MAN2A1: variants seen among roughly 807,000 people sequenced by gnomAD.
MAN2A1 encodes the protein alpha-mannosidase 2.
In MAN2A1, 76 loss-of-function variants were observed where a neutral mutation model predicts 142.6. That is an observed-to-expected ratio of 0.53 (90% CI 0.44 to 0.65). The LOEUF (loss-of-function observed/expected upper bound fraction) is 0.65. Among genes scored for constraint, MAN2A1 ranks in the 30% least tolerant of loss-of-function variants. MAN2A1 has a pLI of 0.00. For missense variants in MAN2A1, 1,311 were observed against 1,365.1 expected (o/e 0.96, Z 0.62); for synonymous variants, 559 against 473.2 (o/e 1.18, Z -2.35).
Position 109,706,529 on chromosome 5 carries a change from A to G in MAN2A1, c.136-6991A>G, listed in dbSNP as rs368113341. On this transcript the variant is annotated intron_variant, in intron 1 of 21. Coordinates refer to ENST00000261483, the MANE Select transcript of MAN2A1 (RefSeq NM_002372.4). ...TTACTTCCCCAAGATCACATGGCCA[A>G]TAAGTGCGGAAACTAGTATTGGAAG... 1.1e-4 allele frequency among the ~76,000 whole-genome samples: 17 copies of G among 152,384 alleles called. No individual in the cohort carries two copies. The East Asian group carries it at 3.3e-3, about 29-fold the overall frequency.
chr5:109,826,081 T>C (rs1754751757), intron 16 of MAN2A1, among the ~76,000 whole-genome samples: 1 of 151,740 alleles, frequency 6.6e-6, no homozygotes, highest in Non-Finnish European at 1.5e-5. Context: ...AATTTTTCTA[T>C]TTTTAGTAGG....
chr5:109,865,039 G>T lies in MAN2A1; in HGVS notation c.3175G>T (p.Gly1059Cys). Residue 1059 changes from glycine (G) to cysteine (C), a missense_variant, in exon 21 of 22, where the codon GGC (glycine) becomes TGC (cysteine). Physicochemically the swap from Gly to Cys is radical, Grantham distance 159. Around this residue, in one of 3 missense-constraint regions of MAN2A1, gnomAD observed 890 missense variants for 920.5 expected, o/e 0.97. Coordinates refer to ENST00000261483, the MANE Select transcript of MAN2A1 (RefSeq NM_002372.4). Reference protein sequence around the residue: ...VNLRTIQSKVGNGHSNEAALI... With the variant: ...VNLRTIQSKVCNGHSNEAALI... ...ACTGCATTCTGCTCATTTGCAGGTG[G>T]GCAATGGGCACTCCAATGAGGCAGC... 1 of 1,612,410 alleles carries T rather than the reference G, an allele frequency of 6.2e-7. No individual in the cohort carries two copies. Among genetic ancestry groups the T allele is most frequent in the Non-Finnish European group, 8.5e-7 (1 of 1,178,506 alleles).
intron 4 of MAN2A1, among the ~76,000 whole-genome samples, chr5:109,734,637 T>C (rs1005620808): frequency 6.6e-6 from 1 of 152,232 alleles, no homozygotes; most frequent in Non-Finnish European, 1.5e-5. Flanking sequence ...TACCCAGTAG[T>C]CATTCAGGAA....
At chr5:109,838,073 A>G (rs1755102693) in intron 16 of MAN2A1, among the ~76,000 whole-genome samples, 2 of 151,348 alleles carry the variant, frequency 1.3e-5, no homozygotes, top group Non-Finnish European at 2.9e-5. Flanking sequence ...AAAAAAAAAA[A>G]TCCTAGCTCC....
chr5:109,835,346 G>T (rs530572619), intron 16 of MAN2A1, among the ~76,000 whole-genome samples: 1 of 152,250 alleles, frequency 6.6e-6, no homozygotes, highest in South Asian at 2.1e-4. Flanking sequence ...GACACAGATT[G>T]GAGGAAAGGA....
intron 4 of MAN2A1, among the ~76,000 whole-genome samples, chr5:109,734,336 A>G (rs1396562173): frequency 4.3e-5 from 6 of 139,312 alleles, no homozygotes; most frequent in African/African-American, 1.3e-4. Context: ...GGATTCATTG[A>G]TTTTTTTGAA....
At chr5:109,751,650 A>G (rs1752551925) in intron 4 of MAN2A1, among the ~76,000 whole-genome samples, 2 of 151,492 alleles carry the variant, frequency 1.3e-5, no homozygotes. Context: ...TCCTATTCTG[A>G]CTCACTGATG....
intron 10 of MAN2A1, among the ~76,000 whole-genome samples, chr5:109,788,009 AAAG>A (rs574378843): frequency 8.9e-4 from 136 of 151,980 alleles, no homozygotes; most frequent in Non-Finnish European, 1.6e-3. Flanking sequence ...GCTCTGCAAA[AAAG>A]AAGTTAACTT....
In MAN2A1 at chr5:109,868,491, TCAACCTC is replaced by T. The variant is rs1257596263; in HGVS notation, c.*1496_*1502del. 3 of 152,198 alleles carry T rather than the reference TCAACCTC, an allele frequency of 2.0e-5. No homozygotes were observed. The highest frequency in any genetic ancestry group is 7.2e-5 in the African/African-American group (3 of 41,452). 9.4% of individuals were successfully genotyped at this position (152,198 alleles called of 1,614,324 possible). On this transcript the variant is annotated 3_prime_UTR_variant, in exon 22 of 22. Coordinates refer to ENST00000261483, the MANE Select transcript of MAN2A1 (RefSeq NM_002372.4). ...TAATTGATTTCATATTCTGTGGCTT[TCAACCTC>T]CATTTACCTCTTGTCATTCCAACAT...
At chr5:109,755,521 G>A in intron 5 of MAN2A1, 65 bp downstream of exon 5, 1 of 1,282,760 alleles carries the variant, frequency 7.8e-7, no homozygotes, top group Admixed American at 2.2e-5. Flanking sequence ...TGTGAAGTGA[G>A]GCTCTGTTCT....
chr5:109,784,569 G>A (rs1753547772), intron 9 of MAN2A1, among the ~76,000 whole-genome samples, 175 bp from the exon 10 acceptor site: 1 of 152,052 alleles, frequency 6.6e-6, no homozygotes, highest in African/African-American at 2.4e-5. Flanking sequence ...ACGTAAATGT[G>A]TTATACGGGA....
At chr5:109,724,764 T>G (rs2112577158) in intron 3 of MAN2A1, among the ~76,000 whole-genome samples, 1 of 152,202 alleles carries the variant, frequency 6.6e-6, no homozygotes, top group East Asian at 1.9e-4. Flanking sequence ...GCGGGGTGCC[T>G]TCTTAGGGAT....
At chr5:109,770,169 G>A (rs900510621) in intron 6 of MAN2A1, among the ~76,000 whole-genome samples, 186 bp from the exon 7 acceptor site, 7 of 152,176 alleles carry the variant, frequency 4.6e-5, no homozygotes, top group African/African-American at 1.7e-4. Flanking sequence ...TGAGATGTGT[G>A]AGTATCTTCC....
At chr5:109,807,415 T>C (rs570190508) in intron 12 of MAN2A1, among the ~76,000 whole-genome samples, 15 of 152,354 alleles carry the variant, frequency 9.8e-5, no homozygotes, top group Non-Finnish European at 1.5e-5. Flanking sequence ...TATTATCTTA[T>C]AGTTTTGGGG....
intron 12 of MAN2A1, among the ~76,000 whole-genome samples, chr5:109,802,535 T>C (rs576438438): frequency 1.3e-5 from 2 of 152,290 alleles, no homozygotes; most frequent in South Asian, 4.1e-4. Flanking sequence ...CCTAAAAAGA[T>C]GCATTATAGC....
chr5:109,818,118 G>C (rs537964746), intron 13 of MAN2A1, among the ~76,000 whole-genome samples: 109 of 152,192 alleles, frequency 7.2e-4, no homozygotes, highest in African/African-American at 2.5e-3. Context: ...CTTGACAGAA[G>C]CTATTGCTAG....
chr5:109,723,656 A>C (rs1048907420), intron 3 of MAN2A1, among the ~76,000 whole-genome samples: 7 of 152,116 alleles, frequency 4.6e-5, no homozygotes, highest in Non-Finnish European at 1.0e-4. Flanking sequence ...CTCCCTCCAA[A>C]GTTCTCTGTA....
chr5:109,724,218 C>T (rs1751682682), intron 3 of MAN2A1, among the ~76,000 whole-genome samples: 1 of 151,908 alleles, frequency 6.6e-6, no homozygotes, highest in Admixed American at 6.6e-5. Flanking sequence ...GTCATTTTTT[C>T]ATAGAAAATA....
At chr5:109,691,773 T>TA (rs1255750717) in intron 1 of MAN2A1, among the ~76,000 whole-genome samples, 10 of 152,210 alleles carry the variant, frequency 6.6e-5, no homozygotes, top group Non-Finnish European at 1.5e-4. Context: ...ATCAAAATTT[T>TA]AAAAGCCTCT....
Sources: allele counts gnomAD v4.1 joint callset (sites outside exome capture counted in the v4.1 genomes callset), GRCh38; gene constraint gnomAD v4.1.1; regional missense constraint gnomAD v4.1.1; transcripts MANE v1.5; gene names NCBI Gene and HGNC (gene_info 2026-07-23, HGNC 2026-07-21).